The following LAMB4 variants were observed in gnomAD, a reference collection of about 807,000 sequenced individuals.
LAMB4 encodes the protein laminin subunit beta 4, also known as laminin subunit beta-4.
LAMB4 carries 196 observed loss-of-function variants against 199.2 expected under a neutral mutation model. That is an observed-to-expected ratio of 0.98 (90% CI 0.88 to 1.11). LAMB4 has a LOEUF of 1.11. Ranked by LOEUF, LAMB4 falls within the 50% of genes least tolerant of loss-of-function variation. The probability of loss-of-function intolerance (pLI) is 0.00; values close to 1 mark genes in which losing one functional copy is unlikely to be tolerated. For missense variants in LAMB4, 2,080 were observed against 2,171.2 expected (o/e 0.96, Z 0.83); for synonymous variants, 744 against 770.6 (o/e 0.97, Z 0.57).
rs370568670 is a variant in LAMB4, at chr7:108,036,585, C to T, written c.4679+803G>A. ...ACTTTTGGATGAATCTGGTGCACTTCGTTTATACACGTGGATGATGAGACA... is the reference window on the plus strand; with the variant it reads ...ACTTTTGGATGAATCTGGTGCACTTTGTTTATACACGTGGATGATGAGACA... On this transcript the variant is annotated intron_variant, in intron 30 of 33. Transcript: ENST00000388781. 8.5e-5 allele frequency among the ~76,000 whole-genome samples: 13 copies of T among 152,136 alleles called. No individual in the cohort carries two copies. The East Asian group carries it at 1.6e-3, about 18-fold the overall frequency.
At position 108,030,818 on chromosome 7, in the gene LAMB4, C is replaced by T. The variant is rs757333887; in HGVS notation, c.4980G>A (p.Gly1660=). 3.1e-6 allele frequency: 5 copies of T among 1,614,028 alleles called. No individual in the cohort carries two copies. In the South Asian group the frequency reaches 5.5e-5, roughly 18 times the overall value. The part of the protein sequence containing the change: ...VQAESAQHQA[G]SLEKEFVELK... ...TAGAACTAATGACCTTCTCAAGACT[C>T]CCAGCCTGGTGTTGGGCAGATTCAG... The change falls in exon 32 of 34, where the codon GGG becomes GGA. Residue 1660 remains glycine, a synonymous_variant. Transcript: ENST00000388781.
At chr7:108,061,236 G>C (rs1323394582) in intron 23 of LAMB4, among the ~76,000 whole-genome samples, 3 of 152,038 alleles carry the variant, frequency 2.0e-5, no homozygotes, top group African/African-American at 7.3e-5. Flanking sequence ...TGGACTCCTG[G>C]AACAGAAAAA....
At chr7:108,101,501 C>T (rs2037813626) in intron 10 of LAMB4, among the ~76,000 whole-genome samples, 1 of 152,180 alleles carries the variant, frequency 6.6e-6, no homozygotes, top group Admixed American at 6.5e-5. Flanking sequence ...CTTGCTATGC[C>T]ATGAGTTACA....
chr7:108,117,342 A>G (rs1424891192), intron 2 of LAMB4, among the ~76,000 whole-genome samples: 5 of 152,220 alleles, frequency 3.3e-5, no homozygotes, highest in African/African-American at 7.2e-5. Flanking sequence ...CTATACGGGC[A>G]TGAGGGGCAA....
At chr7:108,064,159 A>C (rs1374524126) in intron 21 of LAMB4, among the ~76,000 whole-genome samples, 174 bp from the exon 22 acceptor site, 1 of 152,222 alleles carries the variant, frequency 6.6e-6, no homozygotes, top group Non-Finnish European at 1.5e-5. Context: ...CATTTTCATT[A>C]TTATTCATTT....
At chr7:108,029,800 T>A (rs369320154) in intron 32 of LAMB4, among the ~76,000 whole-genome samples, 10 of 152,184 alleles carry the variant, frequency 6.6e-5, no homozygotes, top group African/African-American at 2.4e-4. Flanking sequence ...AAATGAAATA[T>A]GGAAGTGGGA....
chr7:108,055,185 CTGT>C (rs2035939189), intron 25 of LAMB4, among the ~76,000 whole-genome samples: 1 of 135,340 alleles, frequency 7.4e-6, no homozygotes, highest in African/African-American at 3.6e-5. Context: ...TGATTTCCAG[CTGT>C]TTTTTTTTTT....
chr7:108,072,978 T>C (rs2036583279), intron 17 of LAMB4, among the ~76,000 whole-genome samples: 2 of 152,292 alleles, frequency 1.3e-5, no homozygotes, highest in South Asian at 4.1e-4. Flanking sequence ...ACTGAGAAGA[T>C]AGACCAGATG....
chr7:108,061,856 G>T (rs1219577214), intron 23 of LAMB4, among the ~76,000 whole-genome samples: 4 of 151,882 alleles, frequency 2.6e-5, no homozygotes, highest in Non-Finnish European at 4.4e-5. Context: ...ACCTTCAAAA[G>T]ACTTGACCTT....
At chr7:108,090,791 G>A (rs2037369129) in intron 14 of LAMB4, among the ~76,000 whole-genome samples, 1 of 152,146 alleles carries the variant, frequency 6.6e-6, no homozygotes, top group African/African-American at 2.4e-5. Flanking sequence ...AGACCACGAA[G>A]AAGAACCCAG....
At chr7:108,044,740 G>T (rs1004526024) in intron 28 of LAMB4, among the ~76,000 whole-genome samples, 15 of 152,046 alleles carry the variant, frequency 9.9e-5, no homozygotes, top group African/African-American at 3.6e-4. Flanking sequence ...ATCACTTGAG[G>T]TTAGGAGTTC....
chr7:108,080,176 T>C (rs1028110840), intron 14 of LAMB4, among the ~76,000 whole-genome samples: 4 of 152,216 alleles, frequency 2.6e-5, no homozygotes, highest in African/African-American at 9.7e-5. Flanking sequence ...TTTTGCCTAA[T>C]TGGGCATGAC....
At chr7:108,122,675 T>C (rs775110482) in intron 2 of LAMB4, among the ~76,000 whole-genome samples, 1 of 152,232 alleles carries the variant, frequency 6.6e-6, no homozygotes, top group African/African-American at 2.4e-5. Flanking sequence ...CTATGATTAA[T>C]GTAAATTGTT....
chr7:108,068,202 C>T (rs754615216), intron 18 of LAMB4, 43 bp from the exon 19 acceptor site: 32 of 1,605,734 alleles, frequency 2.0e-5, no homozygotes, highest in Non-Finnish European at 2.7e-5. Flanking sequence ...AATGAAGAGG[C>T]AGAGAAGCAC....
intron 28 of LAMB4, among the ~76,000 whole-genome samples, chr7:108,045,924 G>GGTGT (rs1563043170): frequency 6.6e-6 from 1 of 151,626 alleles, no homozygotes; most frequent in Non-Finnish European, 1.5e-5. Context: ...GGATATAGGG[G>GGTGT]GTGTGTGTGT....
chr7:108,106,704 A>C (rs2038029650), intron 6 of LAMB4, 132 bp from the exon 7 acceptor site: 1 of 567,300 alleles, frequency 1.8e-6, no homozygotes, highest in South Asian at 2.1e-5. Flanking sequence ...AGCTGAGACC[A>C]CAGGCATGCA....
chr7:108,035,471 G>A (rs2035187814), intron 30 of LAMB4, among the ~76,000 whole-genome samples: 2 of 151,772 alleles, frequency 1.3e-5, no homozygotes, highest in African/African-American at 4.8e-5. Context: ...GAATCTGGGA[G>A]GCGGAGGTTG....
intron 29 of LAMB4, among the ~76,000 whole-genome samples, chr7:108,038,810 G>C (rs1362174951): frequency 6.6e-6 from 1 of 152,168 alleles, no homozygotes; most frequent in Non-Finnish European, 1.5e-5. Context: ...TCACTCTCCA[G>C]CTACTTAGTG....
rs1563024861 is a variant in LAMB4 at position 108,025,438 on chromosome 7, T to TC, written c.5147-1261_5147-1260insG. ...CTTTCTTCTTTCTTTCTTTCTTTTTTTTTTTTTGAGACAGAGTTTTGCTCT... is the reference window on the plus strand; with the variant it reads ...CTTTCTTCTTTCTTTCTTTCTTTTTTCTTTTTTTGAGACAGAGTTTTGCTCT... On this transcript the variant is annotated intron_variant, in intron 33 of 33. Transcript: ENST00000388781. Among the ~76,000 whole-genome samples the TC allele has an allele frequency of 7.4e-4, 79 of 107,198 alleles. 5 individuals are homozygous for TC. The highest frequency in any genetic ancestry group is 6.5e-3 in the African/African-American group (58 of 8,918). 70.3% of individuals were successfully genotyped at this position (107,198 alleles called of 152,430 possible). A position where few individuals can be genotyped will look rare whatever the true frequency, so the allele number is the denominator to read the frequency against.
Sources: allele counts gnomAD v4.1 joint callset (sites outside exome capture counted in the v4.1 genomes callset), GRCh38; gene constraint gnomAD v4.1.1; transcripts MANE v1.5; gene names NCBI Gene and HGNC (gene_info 2026-07-23, HGNC 2026-07-21).